Variants in SYNPO2 observed in about 807,000 individuals in gnomAD.
SYNPO2 encodes the protein synaptopodin 2.
In SYNPO2, 56 loss-of-function variants were observed where a neutral mutation model predicts 85.0. That is an observed-to-expected ratio of 0.66 (90% CI 0.53 to 0.82). SYNPO2 has a LOEUF of 0.82. SYNPO2 is among the 40% of genes least tolerant of loss of function. The probability of loss-of-function intolerance (pLI) is 0.00; values close to 1 mark genes in which losing one functional copy is unlikely to be tolerated. For missense variants in SYNPO2, 1,575 were observed against 1,534.2 expected (o/e 1.03, Z -0.44); for synonymous variants, 602 against 591.1 (o/e 1.02, Z -0.27).
Position 119,026,717 on chromosome 4 carries a change from C to A in SYNPO2, c.348C>A (p.Thr116=), listed in dbSNP as rs763135726. The A allele has an allele frequency of 2.5e-6, 4 of 1,613,964 alleles. No individual in the cohort carries two copies. Among genetic ancestry groups the A allele is most frequent in the Non-Finnish European group, 3.4e-6 (4 of 1,180,016 alleles). Residue 116 remains threonine, a synonymous_variant, in exon 3 of 5, where the codon ACC becomes ACA. Transcript: ENST00000307142. The part of the protein sequence containing the change: ...HLTHGGYVES[T]TLQIRPATKT... ...CACATGGGGGTTATGTGGAAAGTAC[C>A]ACCCTGCAGATTCGACCGGCCACAA...
intron 1 of SYNPO2, among the ~76,000 whole-genome samples, chr4:118,900,624 T>C (rs1231058607): frequency 6.6e-6 from 1 of 150,596 alleles, no homozygotes; most frequent in Non-Finnish European, 1.5e-5. Context: ...TGAATGAATT[T>C]GATTTAAGGC....
chr4:118,885,598 G>A (rs368189878), upstream of SYNPO2, among the ~76,000 whole-genome samples: 143 of 151,598 alleles, frequency 9.4e-4, no homozygotes, highest in African/African-American at 3.3e-3. Context: ...TCAGCCTCCC[G>A]AGTAGCTGGG....
At chr4:118,975,485 A>G (rs1247426815) in intron 1 of SYNPO2, among the ~76,000 whole-genome samples, 1 of 152,226 alleles carries the variant, frequency 6.6e-6, no homozygotes, top group Non-Finnish European at 1.5e-5. Context: ...ACACACAGAC[A>G]GGACTTGGGA....
At chr4:118,992,522 TA>T in intron 1 of SYNPO2, among the ~76,000 whole-genome samples, 1 of 152,258 alleles carries the variant, frequency 6.6e-6, no homozygotes, top group South Asian at 2.1e-4. Context: ...TGTATACTCA[TA>T]AAAGTGAAAG....
At chr4:118,991,455 G>GT (rs1736413485) in intron 1 of SYNPO2, among the ~76,000 whole-genome samples, 1 of 152,012 alleles carries the variant, frequency 6.6e-6, no homozygotes, top group Admixed American at 6.6e-5. Flanking sequence ...GCCTGTTTTT[G>GT]TTTTTTTAAT....
chr4:118,916,879 T>C lies in SYNPO2; in HGVS notation c.105+27738T>C, dbSNP rs564662351. On this transcript the variant is annotated intron_variant, in intron 1 of 4. Transcript: ENST00000307142. ...TCTTAAGTAGCAAGGGCTACAAAGA[T>C]GCGTCACCATGCCTGGCTAATCTTT... 3.5e-4 allele frequency among the ~76,000 whole-genome samples: 53 copies of C among 152,112 alleles called. 1 individual carries two copies. The South Asian group carries it at 8.1e-3, about 23-fold the overall frequency.
At position 119,027,439 on chromosome 4, in the gene SYNPO2, G is replaced by GT. The variant is rs1336868782; in HGVS notation, c.1069+2dup. The GT allele has an allele frequency of 1.3e-6, 2 of 1,580,396 alleles. No individual in the cohort carries two copies. The highest frequency in any genetic ancestry group is 1.7e-6 in the Non-Finnish European group (2 of 1,157,520). On this transcript the variant is annotated splice_donor_variant, in intron 3 of 4. Coordinates refer to ENST00000307142, the MANE Select transcript of SYNPO2 (RefSeq NM_133477.3). LOFTEE classifies it high-confidence loss of function. Reference sequence around the variant, plus strand: ...CACAAGCACCGAGCGCGGCATGCACGTAAGTTCTGCCTGGGCTTTCAGAAG... The same window carrying GT: ...CACAAGCACCGAGCGCGGCATGCACGTTAAGTTCTGCCTGGGCTTTCAGAAG...
intron 1 of SYNPO2, among the ~76,000 whole-genome samples, chr4:118,986,447 G>A (rs983703025): frequency 1.3e-5 from 2 of 152,174 alleles, no homozygotes; most frequent in African/African-American, 4.8e-5. Flanking sequence ...TGTTCTTTGG[G>A]TTAGGTCACT....
intron 1 of SYNPO2, among the ~76,000 whole-genome samples, chr4:118,876,603 T>C (rs1285691734): frequency 6.6e-6 from 1 of 151,666 alleles, no homozygotes; most frequent in African/African-American, 2.4e-5. Flanking sequence ...TTTCCTTCCC[T>C]CCCTCCCTCC....
At chr4:119,050,296 T>C (rs1738994827) in intron 4 of SYNPO2, among the ~76,000 whole-genome samples, 1 of 151,640 alleles carries the variant, frequency 6.6e-6, no homozygotes. Flanking sequence ...CGCCCCACTG[T>C]ACTCCAACCT....
chr4:119,007,272 A>ATATG (rs1560972662), intron 1 of SYNPO2, among the ~76,000 whole-genome samples: 5 of 98,432 alleles, frequency 5.1e-5, no homozygotes, highest in Non-Finnish European at 9.9e-5. Flanking sequence ...ATATATATAT[A>ATATG]TATGTATATA....
At chr4:118,970,541 G>T (rs1432477366) in intron 1 of SYNPO2, among the ~76,000 whole-genome samples, 1 of 152,098 alleles carries the variant, frequency 6.6e-6, no homozygotes, top group African/African-American at 2.4e-5. Flanking sequence ...ATGCATGAAT[G>T]CTTTTACCTT....
At chr4:119,054,138 G>T (rs1739136558) in intron 4 of SYNPO2, among the ~76,000 whole-genome samples, 1 of 152,226 alleles carries the variant, frequency 6.6e-6, no homozygotes, top group African/African-American at 2.4e-5. Flanking sequence ...GTGAGTGTGG[G>T]ATCTGGCTGG....
chr4:118,934,641 T>C (rs1274342491), intron 1 of SYNPO2, among the ~76,000 whole-genome samples: 2 of 151,936 alleles, frequency 1.3e-5, no homozygotes. Flanking sequence ...GCTTTTAGAG[T>C]GGTGAGAATG....
intron 1 of SYNPO2, among the ~76,000 whole-genome samples, chr4:119,003,707 G>A (rs1428070025): frequency 6.6e-6 from 1 of 152,096 alleles, no homozygotes; most frequent in Admixed American, 6.5e-5. Flanking sequence ...TTTTATAGTA[G>A]AGGCTTTCCT....
chr4:118,988,815 G>A (rs1482982252), intron 1 of SYNPO2, among the ~76,000 whole-genome samples: 1 of 152,086 alleles, frequency 6.6e-6, no homozygotes, highest in Non-Finnish European at 1.5e-5. Flanking sequence ...AAGGTTGGTG[G>A]CCAAGGAGCC....
At position 118,964,833 on chromosome 4, in the gene SYNPO2, C is replaced by T. The variant is rs554197515; in HGVS notation, c.106-58597C>T. Among the ~76,000 whole-genome samples the T allele has an allele frequency of 3.3e-5, 5 of 152,268 alleles. No homozygotes were observed. The South Asian group carries it at 1.0e-3, about 32-fold the overall frequency. On this transcript the variant is annotated intron_variant, in intron 1 of 4. Coordinates refer to ENST00000307142, the MANE Select transcript of SYNPO2 (RefSeq NM_133477.3). Reference sequence around the variant, plus strand: ...AGAAAACCCCTGCTATCAAGAAACTCAGTCCAAAGGACTGAAAAAAAGACA... The same window carrying T: ...AGAAAACCCCTGCTATCAAGAAACTTAGTCCAAAGGACTGAAAAAAAGACA...
At chr4:118,879,263 A>G (rs1006683724) in intron 1 of SYNPO2, among the ~76,000 whole-genome samples, 1 of 152,222 alleles carries the variant, frequency 6.6e-6, no homozygotes, top group South Asian at 2.1e-4. Context: ...ACCCACTGGA[A>G]TGAACCAATT....
At chr4:118,982,128 G>T (rs1181004732) in intron 1 of SYNPO2, among the ~76,000 whole-genome samples, 1 of 152,128 alleles carries the variant, frequency 6.6e-6, no homozygotes, top group Non-Finnish European at 1.5e-5. Context: ...ATTTAGGAAT[G>T]AAGGAATAAA....
Sources: gnomAD v4.1 joint callset for allele counts (sites outside exome capture counted in the v4.1 genomes callset) on GRCh38, gnomAD v4.1.1 for gene constraint, MANE v1.5 for transcripts, NCBI Gene and HGNC (gene_info 2026-07-23, HGNC 2026-07-21) for gene names.